Variants in COL15A1 observed in about 807,000 individuals in gnomAD.
COL15A1 encodes collagen type XV alpha 1 chain, also known as collagen alpha-1(XV) chain.
Under a neutral mutation model 165.9 loss-of-function variants are expected in COL15A1, and 111 were observed. The ratio of observed to expected loss-of-function variants is 0.67; its 90% confidence interval spans 0.57 to 0.78. The LOEUF (loss-of-function observed/expected upper bound fraction) is 0.78, where lower values mean the gene tolerates loss of function less well. Ranked by LOEUF, COL15A1 falls within the 30% of genes least tolerant of loss-of-function variation. The pLI is 0.00. For synonymous variants in COL15A1, 659 were observed against 674.8 expected (o/e 0.98, Z 0.36); for missense variants, 1,745 against 1,789.7 (o/e 0.98, Z 0.45).
In COL15A1 at chr9:99,016,097, C is replaced by A. The variant is rs913710540; in HGVS notation, c.1625C>A (p.Ala542Asp). ...CCACCGCTGCCCCTGCCCACAGTGG[C>A]TCCTGAAAGATGGATCACTCCAGTA... ...DGPPLPLPTV[A>D]PERWITPAQR... Residue 542 changes from alanine (A) to aspartate (D), a missense_variant, in exon 11 of 42, where the codon GCT becomes GAT. Transcript: ENST00000375001. 15 of 1,612,336 alleles carry A rather than the reference C, an allele frequency of 9.3e-6. No individual in the cohort carries two copies. Among genetic ancestry groups the A allele is most frequent in the Non-Finnish European group, 1.2e-5 (14 of 1,179,226 alleles).
At chr9:99,065,987 C>G (rs185431399) in intron 39 of COL15A1, among the ~76,000 whole-genome samples, 1 of 151,954 alleles carries the variant, frequency 6.6e-6, no homozygotes, top group South Asian at 2.1e-4. Flanking sequence ...CCTGCCCCAC[C>G]GCCTGAGCCT....
chr9:99,052,226 A>T (rs1839601387), intron 30 of COL15A1, among the ~76,000 whole-genome samples, 162 bp from the exon 31 acceptor site: 2 of 151,882 alleles, frequency 1.3e-5, no homozygotes, highest in Admixed American at 6.6e-5. Context: ...TGCATTGACA[A>T]CTCCTGGGGA....
chr9:99,059,365 G>A (rs909483556), intron 35 of COL15A1, among the ~76,000 whole-genome samples: 21 of 151,770 alleles, frequency 1.4e-4, no homozygotes, highest in African/African-American at 5.1e-4. Flanking sequence ...CTGTTTCCTC[G>A]AGATCACACA....
In COL15A1 at chr9:99,066,924, C is replaced by T. The variant is rs146129537; in HGVS notation, c.3694C>T (p.Arg1232Ter). The T allele has an allele frequency of 2.4e-5, 38 of 1,613,886 alleles. No individual in the cohort carries two copies. The highest frequency in any genetic ancestry group is 3.1e-5 in the Non-Finnish European group (36 of 1,179,988). Residue 1232 changes from arginine to a stop codon, truncating the protein, a stop_gained, in exon 40 of 42, where the codon CGA becomes TGA. Transcript: ENST00000375001. LOFTEE classifies it high-confidence loss of function. The part of the protein sequence containing the change: ...ALNMPFSGDI[R>*]ADFQCFKQAR... ...GAACATGCCATTTTCTGGGGACATT[C>T]GAGCTGATTTTCAGTGCTTCAAGCA...
At chr9:99,066,620 T>TGTTTGTTTGTTTG (rs1564098597) in intron 39 of COL15A1, among the ~76,000 whole-genome samples, 1 of 141,602 alleles carries the variant, frequency 7.1e-6, no homozygotes, top group African/African-American at 2.6e-5. Context: ...TTTTTTTTTT[T>TGTTTGTTTGTTTG]TTTTCACCTA....
intron 9 of COL15A1, among the ~76,000 whole-genome samples, chr9:99,008,319 A>G (rs1429684878): frequency 6.6e-6 from 1 of 152,206 alleles, no homozygotes; most frequent in East Asian, 1.9e-4. Flanking sequence ...AGGAACCTGT[A>G]CAGAGATTGT....
chr9:98,948,466 C>T (rs867045441), intron 2 of COL15A1, among the ~76,000 whole-genome samples: 5 of 151,886 alleles, frequency 3.3e-5, no homozygotes, highest in African/African-American at 9.7e-5. Flanking sequence ...GGCATGGTGG[C>T]GGGCGCCTGT....
chr9:99,060,985 T>C (rs962594559), intron 36 of COL15A1, among the ~76,000 whole-genome samples: 2 of 152,256 alleles, frequency 1.3e-5, no homozygotes, highest in African/African-American at 2.4e-5. Flanking sequence ...GTCTTCTCCA[T>C]TCTGCCAAAG....
chr9:98,974,369 G>A (rs1448634060), intron 2 of COL15A1, among the ~76,000 whole-genome samples: 1 of 152,158 alleles, frequency 6.6e-6, no homozygotes, highest in Non-Finnish European at 1.5e-5. Flanking sequence ...TCACATGCCA[G>A]ATGTGATTTA....
At chr9:99,050,073 A>C (rs1588533946) in intron 30 of COL15A1, among the ~76,000 whole-genome samples, 178 bp downstream of exon 30, 3 of 152,246 alleles carry the variant, frequency 2.0e-5, no homozygotes, top group Admixed American at 6.5e-5. Flanking sequence ...CGTGGCAATG[A>C]AATATACTGG....
chr9:98,952,281 T>C (rs1255640528), intron 2 of COL15A1, among the ~76,000 whole-genome samples: 2 of 152,202 alleles, frequency 1.3e-5, no homozygotes, highest in African/African-American at 2.4e-5. Context: ...GACTGAGTAC[T>C]CAGGGAATAT....
At chr9:98,988,697 T>C (rs562294019) in intron 4 of COL15A1, among the ~76,000 whole-genome samples, 5 of 152,010 alleles carry the variant, frequency 3.3e-5, no homozygotes, top group Non-Finnish European at 5.9e-5. Flanking sequence ...CCGAGGTGGG[T>C]GGATCACTTG....
chr9:99,067,931 C>T (rs1019922451), intron 40 of COL15A1, among the ~76,000 whole-genome samples: 4 of 152,128 alleles, frequency 2.6e-5, no homozygotes, highest in Non-Finnish European at 5.9e-5. Context: ...AGTATGTATG[C>T]ATAATATTTT....
chr9:98,948,326 C>T (rs757137781), intron 2 of COL15A1, among the ~76,000 whole-genome samples: 6 of 152,220 alleles, frequency 3.9e-5, no homozygotes, highest in East Asian at 1.9e-4. Context: ...CGGCCGGGCG[C>T]GGTGGCTCAC....
intron 36 of COL15A1, among the ~76,000 whole-genome samples, 172 bp downstream of exon 36, chr9:99,060,125 A>G (rs970308075): frequency 3.5e-5 from 5 of 141,464 alleles, no homozygotes; most frequent in Non-Finnish European, 7.5e-5. Context: ...TGGATGACTT[A>G]TTAAGTAAAA....
chr9:98,986,112 T>A lies in COL15A1; in HGVS notation c.648T>A (p.Thr216=), dbSNP rs1173694173. The change falls in exon 3 of 42, where the codon ACT becomes ACA. Residue 216 remains threonine, a splice_region_variant and synonymous_variant. Coordinates refer to ENST00000375001, the MANE Select transcript of COL15A1 (RefSeq NM_001855.5). ...NAGATGLERF[T]GSLQQLTVHP... is the part of the protein sequence containing the mutation. ...GAGCTACAGGGCTCGAGAGATTCAC[T>A]GTGAGTTAAAGTCCCACTCCAGGTA... is the stretch of plus-strand genomic sequence containing the variant. 6.2e-6 allele frequency: 10 copies of A among 1,610,866 alleles called. No individual in the cohort carries two copies. The highest frequency in any genetic ancestry group is 8.5e-6 in the Non-Finnish European group (10 of 1,177,998).
chr9:99,018,596 T>G (rs1405906230), intron 11 of COL15A1, among the ~76,000 whole-genome samples: 2 of 152,202 alleles, frequency 1.3e-5, no homozygotes, highest in African/African-American at 4.8e-5. Context: ...TTGTCCATAA[T>G]AGAGAAAAAT....
chr9:98,998,888 C>T (rs536536686), intron 6 of COL15A1, among the ~76,000 whole-genome samples: 39 of 152,282 alleles, frequency 2.6e-4, no homozygotes, highest in African/African-American at 9.4e-4. Context: ...GTAGACAGCC[C>T]GGATGGTGGG....
At chr9:98,981,925 T>C (rs1198400502) in intron 2 of COL15A1, among the ~76,000 whole-genome samples, 12 of 152,048 alleles carry the variant, frequency 7.9e-5, no homozygotes, top group African/African-American at 2.9e-4. Context: ...CTGGCCCAAC[T>C]TCCAGAGTAG....
Sources: allele counts gnomAD v4.1 joint callset (sites outside exome capture counted in the v4.1 genomes callset), GRCh38; gene constraint gnomAD v4.1.1; transcripts MANE v1.5; gene names NCBI Gene and HGNC (gene_info 2026-07-23, HGNC 2026-07-21).